RIPK4: variants seen among roughly 807,000 people sequenced by gnomAD.
RIPK4 encodes receptor interacting serine/threonine kinase 4.
In RIPK4, 17 loss-of-function variants were observed where a neutral mutation model predicts 42.9. The ratio of observed to expected loss-of-function variants is 0.40; its 90% CI spans 0.27 to 0.59. RIPK4 has a LOEUF of 0.59. RIPK4 is among the 20% of genes least tolerant of loss of function. RIPK4 has a pLI of 0.47. For synonymous variants in RIPK4, 498 were observed against 499.1 expected, an observed-to-expected ratio of 1.00 and a Z score of 0.03; for missense variants, 897 against 1,104.4, an observed-to-expected ratio of 0.81 and a Z score of 2.66.
At position 41,751,022 on chromosome 21, in the gene RIPK4, G is replaced by A. The variant is rs2061186795; in HGVS notation, c.623+75C>T. 23 of 1,529,444 alleles carry A rather than the reference G, an allele frequency of 1.5e-5. No homozygotes were observed. The South Asian group carries it at 2.5e-4, about 17-fold the overall frequency. The allele number at this position is 1,529,444 out of a possible 1,614,324, so 94.7% of individuals were successfully genotyped here. A position where few individuals can be genotyped will look rare whatever the true frequency, so the allele number is the denominator to read the frequency against. On this transcript the variant is annotated intron_variant, in intron 3 of 7. Transcript: ENST00000332512. This position sits in a 1 kb window ranked among gnomAD's most constrained non-coding sequence, Gnocchi z 4.5. ...GCAGCAAGAGGCCTTTCTGAAAGCT[G>A]CAGCTCAGGGCATGAAGCATTGAGG...
Position 41,766,853 on chromosome 21 carries a change from C to G in RIPK4, c.182+7G>C. On this transcript the variant is annotated splice_region_variant and intron_variant, in intron 1 of 7. Coordinates refer to ENST00000332512, the MANE Select transcript of RIPK4 (RefSeq NM_020639.3). Reference sequence around the variant, plus strand: ...AGCCGCCCCAGCGCCCCGCCCGGGCCGCTCACCTGTCGTCGACGTGCAGGC... The same window carrying G: ...AGCCGCCCCAGCGCCCCGCCCGGGCGGCTCACCTGTCGTCGACGTGCAGGC... 2 of 1,605,088 alleles carry G rather than the reference C, an allele frequency of 1.2e-6. No individual in the cohort carries two copies. Among genetic ancestry groups the G allele is most frequent in the Non-Finnish European group, 1.7e-6 (2 of 1,176,410 alleles).
rs2061156315 is a variant in RIPK4, at chr21:41,742,026, A to G, written c.1196-29T>C. ...CAGGGAGAGGAGAGGCAAAGGTCAG[A>G]GCGTGGCTGCACATCCAGGGACGTG... On this transcript the variant is annotated intron_variant, in intron 7 of 7. Transcript: ENST00000332512. The surrounding 1 kb of genome is among the most constrained non-coding windows in gnomAD (Gnocchi z 5.1). 8 of 1,544,464 alleles carry G rather than the reference A, an allele frequency of 5.2e-6. No individual in the cohort carries two copies. The African/African-American group carries it at 9.6e-5, about 18-fold the overall frequency.
Position 41,763,559 on chromosome 21 carries a change from C to T in RIPK4, c.182+3301G>A, listed in dbSNP as rs551176592. Among the ~76,000 whole-genome samples the T allele has an allele frequency of 1.0e-3, 158 of 152,318 alleles. 3 individuals carry two copies. Among genetic ancestry groups the T allele is most frequent in the South Asian group, 4.1e-3 (20 of 4,828 alleles). On this transcript the variant is annotated intron_variant, in intron 1 of 7. Coordinates refer to ENST00000332512, the MANE Select transcript of RIPK4 (RefSeq NM_020639.3). The stretch of plus-strand genomic sequence containing the variant: ...GTGAGACCGCTCAGGTAACAAAGAG[C>T]TCCGAAGGAGAAACCTAGCAACTAC...
chr21:41,749,734 A>T (rs529711448), intron 3 of RIPK4, among the ~76,000 whole-genome samples: 29 of 152,216 alleles, frequency 1.9e-4, no homozygotes, highest in Admixed American at 1.0e-3. Flanking sequence ...TCATCATTAG[A>T]GGGTTGTTAA....
chr21:41,749,867 C>CA (rs1265759646), intron 3 of RIPK4, among the ~76,000 whole-genome samples: 1 of 125,934 alleles, frequency 7.9e-6, no homozygotes, highest in Admixed American at 8.3e-5. Flanking sequence ...CTGGATACAC[C>CA]AAAAAAAGTG....
At chr21:41,756,914 A>G in intron 1 of RIPK4, 98 bp from the exon 2 acceptor site, 1 of 1,284,546 alleles carries the variant, frequency 7.8e-7, no homozygotes, top group Non-Finnish European at 1.1e-6. Context: ...CAGAGGGCTG[A>G]GCAAATGCCT....
At chr21:41,763,340 GA>G (rs1201043525) in intron 1 of RIPK4, among the ~76,000 whole-genome samples, 1 of 152,118 alleles carries the variant, frequency 6.6e-6, no homozygotes, top group Non-Finnish European at 1.5e-5. Context: ...TCTCTAAAAG[GA>G]ACTTCTAAAG....
chr21:41,747,810 G>A (rs1346572825), intron 4 of RIPK4, among the ~76,000 whole-genome samples: 2 of 152,182 alleles, frequency 1.3e-5, no homozygotes, highest in Non-Finnish European at 2.9e-5. Flanking sequence ...CTGGGGAGAG[G>A]CCTTGTTCTC....
intron 2 of RIPK4, among the ~76,000 whole-genome samples, chr21:41,753,772 T>A (rs2146054375): frequency 6.6e-6 from 1 of 152,346 alleles, no homozygotes; most frequent in South Asian, 2.1e-4. Flanking sequence ...GGGGTTTTGC[T>A]GCCTCTAAAA....
In RIPK4 at chr21:41,742,398, C is replaced by T. The variant is rs935064509; in HGVS notation, c.1196-401G>A. Among the ~76,000 whole-genome samples, 13 of 152,332 alleles carry T rather than the reference C, an allele frequency of 8.5e-5. No individual in the cohort carries two copies. The highest frequency in any genetic ancestry group is 2.9e-5 in the Non-Finnish European group (2 of 68,030). On this transcript the variant is annotated intron_variant, in intron 7 of 7. Coordinates refer to ENST00000332512, the MANE Select transcript of RIPK4 (RefSeq NM_020639.3). This position sits in a 1 kb window ranked among gnomAD's most constrained non-coding sequence, Gnocchi z 5.1. ...TGGAAGCCTTGGCACCTGCCACCCA[C>T]GGACGCCCCAGGCCTAGCAGCCTGC...
At chr21:41,761,973 G>A (rs2061221762) in intron 1 of RIPK4, among the ~76,000 whole-genome samples, 1 of 152,192 alleles carries the variant, frequency 6.6e-6, no homozygotes, top group East Asian at 1.9e-4. Flanking sequence ...TCTGCAGAAC[G>A]GAGACCCCAT....
Position 41,751,144 on chromosome 21 carries a change from G to C in RIPK4, c.576C>G (p.Arg192=), listed in dbSNP as rs757633592. ...FGTIAYLPPE[R]IREKSRLFDT... ...CGAAGAGCCGGCTCTTCTCCCTGAT[G>C]CGCTCTGGAGGGAGGTAGGCGATTG... The change falls in exon 3 of 8, where the codon CGC becomes CGG. Residue 192 remains arginine, a synonymous_variant. Coordinates refer to ENST00000332512, the MANE Select transcript of RIPK4 (RefSeq NM_020639.3). The surrounding 1 kb of genome is among the most constrained non-coding windows in gnomAD (Gnocchi z 4.5). The C allele has an allele frequency of 1.2e-6, 2 of 1,614,092 alleles. No individual in the cohort carries two copies. Among genetic ancestry groups the C allele is most frequent in the Non-Finnish European group, 8.5e-7 (1 of 1,180,046 alleles).
rs2061148783 is a variant in RIPK4, at chr21:41,740,421, T to C, written c.*417A>G. 1 of 181,452 alleles carries C rather than the reference T, an allele frequency of 5.5e-6. No homozygotes were observed. Among genetic ancestry groups the C allele is most frequent in the Non-Finnish European group, 1.1e-5 (1 of 88,422 alleles). 11.2% of individuals were successfully genotyped at this position (181,452 alleles called of 1,614,324 possible). ...AGACAGGCCTCTCTGCCCACCGTCATGTATGAAGATAAAAAACACAGTTTC... is the reference window on the plus strand; with the variant it reads ...AGACAGGCCTCTCTGCCCACCGTCACGTATGAAGATAAAAAACACAGTTTC... On this transcript the variant is annotated 3_prime_UTR_variant, in exon 8 of 8. Coordinates refer to ENST00000332512, the MANE Select transcript of RIPK4 (RefSeq NM_020639.3).
intron 1 of RIPK4, among the ~76,000 whole-genome samples, chr21:41,758,021 A>AATATATATAT (rs1195745927): frequency 3.9e-5 from 2 of 51,370 alleles, no homozygotes; most frequent in Admixed American, 2.8e-4. Flanking sequence ...AAAAAAAAAA[A>AATATATATAT]ATATATATAT....
rs1183335689 is a variant in RIPK4, at chr21:41,741,671, G to T, written c.1522C>A (p.Leu508Ile). 2 of 1,613,734 alleles carry T rather than the reference G, an allele frequency of 1.2e-6. No homozygotes were observed. Among genetic ancestry groups the T allele is most frequent in the Non-Finnish European group, 1.7e-6 (2 of 1,179,998 alleles). ...TCCCCGTTCTGGGCTGCAAAGTGGA[G>T]GGCTGTCCACTGGTCCTCATCCTTG... ...NAKDEDQWTALHFAAQNGDES... is the reference protein window; with the variant it reads ...NAKDEDQWTAIHFAAQNGDES... Residue 508 changes from leucine to isoleucine, a missense_variant, in exon 8 of 8, where the codon CTC (leucine) becomes ATC (isoleucine). Transcript: ENST00000332512.
intron 5 of RIPK4, 91 bp from the exon 6 acceptor site, chr21:41,745,953 G>T: frequency 9.2e-7 from 1 of 1,089,626 alleles, no homozygotes; most frequent in Non-Finnish European, 1.4e-6. Context: ...ACGAGCTGGG[G>T]GATTTCTCAC....
intron 2 of RIPK4, among the ~76,000 whole-genome samples, chr21:41,754,548 C>A (rs1358797590): frequency 6.6e-6 from 1 of 152,174 alleles, no homozygotes; most frequent in African/African-American, 2.4e-5. Flanking sequence ...GCAGCATCCG[C>A]CCCCTGCAGC....
intron 2 of RIPK4, among the ~76,000 whole-genome samples, chr21:41,753,281 G>A (rs1247727619): frequency 1.4e-5 from 2 of 142,896 alleles, no homozygotes; most frequent in African/African-American, 5.0e-5. Context: ...AGAAAGAAAA[G>A]AAAAGAAAAG....
At chr21:41,752,042 C>T (rs961527561) in intron 2 of RIPK4, among the ~76,000 whole-genome samples, 4 of 152,066 alleles carry the variant, frequency 2.6e-5, no homozygotes, top group Admixed American at 1.3e-4. Flanking sequence ...CACAGACCCC[C>T]GGTCTGACCT....
Sources: gnomAD v4.1 joint callset for allele counts (sites outside exome capture counted in the v4.1 genomes callset) on GRCh38, gnomAD v4.1.1 for gene constraint, Gnocchi (gnomAD v3.1) non-coding constraint, MANE v1.5 for transcripts, NCBI Gene and HGNC (gene_info 2026-07-23, HGNC 2026-07-21) for gene names.